Variants in TMEM132C observed in about 807,000 individuals in gnomAD.
TMEM132C encodes transmembrane protein 132C.
A neutral mutation model predicts 61.4 loss-of-function variants in TMEM132C; 29 were observed. The observed-to-expected ratio is 0.47, with a 90% CI of 0.35 to 0.64. TMEM132C has a LOEUF of 0.64. Ranked by LOEUF, TMEM132C falls within the 30% of genes least tolerant of loss-of-function variation. The pLI is 0.00. For synonymous variants in TMEM132C, 656 were observed against 633.1 expected (o/e 1.04, Z -0.54); for missense variants, 1,408 against 1,476.9 (o/e 0.95, Z 0.76).
chr12:128,387,554 G>A (rs1036451239), intron 1 of TMEM132C, among the ~76,000 whole-genome samples: 5 of 152,338 alleles, frequency 3.3e-5, no homozygotes, highest in Admixed American at 6.5e-5. Context: ...GCTCACACCT[G>A]TAATCCTAGC....
chr12:128,582,517 A>G (rs549561001), intron 3 of TMEM132C, among the ~76,000 whole-genome samples: 1 of 151,488 alleles, frequency 6.6e-6, no homozygotes, highest in East Asian at 2.0e-4. Context: ...TGCTCCCATA[A>G]TTCCCATGTG....
chr12:128,656,302 C>T (rs1049055421), intron 4 of TMEM132C, among the ~76,000 whole-genome samples: 3 of 152,184 alleles, frequency 2.0e-5, no homozygotes, highest in Non-Finnish European at 2.9e-5. Context: ...CTGTCCACCT[C>T]GGCCTCCCAA....
At chr12:128,666,884 C>T (rs891249700) in intron 4 of TMEM132C, among the ~76,000 whole-genome samples, 1 of 152,348 alleles carries the variant, frequency 6.6e-6, no homozygotes, top group East Asian at 1.9e-4. Context: ...TCCTGGCTAA[C>T]ACGGTGAAAC....
chr12:128,636,830 C>T (rs1954108173), intron 4 of TMEM132C, among the ~76,000 whole-genome samples: 1 of 152,094 alleles, frequency 6.6e-6, no homozygotes, highest in African/African-American at 2.4e-5. Context: ...TGCATTGTTT[C>T]AGAGACCACC....
chr12:128,311,498 C>G (rs1000434118), intron 1 of TMEM132C, among the ~76,000 whole-genome samples: 1 of 152,216 alleles, frequency 6.6e-6, no homozygotes, highest in Non-Finnish European at 1.5e-5. Flanking sequence ...TGCCTCTATT[C>G]TCTACTTTTG....
At chr12:128,322,371 C>T (rs895577961) in intron 1 of TMEM132C, among the ~76,000 whole-genome samples, 10 of 152,366 alleles carry the variant, frequency 6.6e-5, no homozygotes, top group South Asian at 2.1e-4. Context: ...TGAGGCAAGA[C>T]GTCCTGGCAG....
chr12:128,341,645 A>G (rs1713623), intron 1 of TMEM132C, among the ~76,000 whole-genome samples: 133,640 of 152,124 alleles, frequency 0.88, 59,789 homozygotes, highest in East Asian at 0.96. Context: ...TGAACTTGAA[A>G]GGAATGAAGG....
intron 2 of TMEM132C, among the ~76,000 whole-genome samples, chr12:128,444,937 A>G (rs1043195365): frequency 1.3e-5 from 2 of 152,224 alleles, no homozygotes; most frequent in African/African-American, 2.4e-5. Flanking sequence ...AGGCGAGACT[A>G]AAAGGAAGGT....
Position 128,415,171 on chromosome 12 carries a change from C to A in TMEM132C, c.525C>A (p.Phe175Leu). Residue 175 changes from phenylalanine (F) to leucine (L), a missense_variant, in exon 2 of 9, where the codon TTC becomes TTA. Coordinates refer to ENST00000435159, the MANE Select transcript of TMEM132C (RefSeq NM_001136103.3). This position sits in a 1 kb window ranked among gnomAD's most constrained non-coding sequence, Gnocchi z 5.8. Reference protein sequence around the residue: ...EKLPCLRVFAFRETREVRGSC... With the variant: ...EKLPCLRVFALRETREVRGSC... ...TGCCATGCCTGAGGGTCTTTGCTTT[C>A]CGAGAAACCAGAGAGGTGCGGGGCA... The A allele has an allele frequency of 1.2e-6, 2 of 1,610,850 alleles. No homozygotes were observed. The highest frequency in any genetic ancestry group is 8.5e-7 in the Non-Finnish European group (1 of 1,178,516).
intron 1 of TMEM132C, among the ~76,000 whole-genome samples, chr12:128,394,423 C>T (rs569549410): frequency 6.0e-4 from 92 of 152,306 alleles, no homozygotes; most frequent in African/African-American, 2.1e-3. Context: ...GGCTTCTTTA[C>T]AGGCAGGAAA....
At chr12:128,284,810 C>T (rs1392555337) in intron 1 of TMEM132C, among the ~76,000 whole-genome samples, 1 of 152,148 alleles carries the variant, frequency 6.6e-6, no homozygotes, top group South Asian at 2.1e-4. Context: ...ATAACCCTTT[C>T]TAAGGCTATG....
At chr12:128,651,151 T>C (rs1047402047) in intron 4 of TMEM132C, among the ~76,000 whole-genome samples, 2 of 152,348 alleles carry the variant, frequency 1.3e-5, no homozygotes, top group South Asian at 2.1e-4. Context: ...TCACAGTTTT[T>C]TGGGGTAACA....
intron 1 of TMEM132C, among the ~76,000 whole-genome samples, chr12:128,279,830 CTT>C (rs1402721838): frequency 2.6e-5 from 4 of 152,192 alleles, no homozygotes; most frequent in African/African-American, 4.8e-5. Flanking sequence ...TAAACTATAA[CTT>C]TGACTTATTT....
intron 4 of TMEM132C, among the ~76,000 whole-genome samples, chr12:128,620,357 T>C (rs1953952292): frequency 6.6e-6 from 1 of 152,084 alleles, no homozygotes; most frequent in Non-Finnish European, 1.5e-5. Flanking sequence ...AAAGTTTGCC[T>C]TCCTGCAGGT....
chr12:128,308,656 C>T (rs780007080), intron 1 of TMEM132C, among the ~76,000 whole-genome samples: 4 of 152,226 alleles, frequency 2.6e-5, no homozygotes, highest in East Asian at 1.9e-4. Flanking sequence ...GGATGAGCTG[C>T]GGGTTCACTA....
chr12:128,562,412 T>A (rs1024208875), intron 3 of TMEM132C, among the ~76,000 whole-genome samples: 1 of 152,228 alleles, frequency 6.6e-6, no homozygotes, highest in African/African-American at 2.4e-5. Flanking sequence ...GGTAACCTAA[T>A]AAGTTTTTTT....
chr12:128,539,577 C>A (rs543806328), intron 2 of TMEM132C, among the ~76,000 whole-genome samples: 29 of 152,280 alleles, frequency 1.9e-4, no homozygotes, highest in African/African-American at 6.7e-4. Flanking sequence ...GAGATGGCGC[C>A]ATTGCACTCC....
chr12:128,566,770 AGAC>A (rs1874719791), intron 3 of TMEM132C, among the ~76,000 whole-genome samples: 1 of 152,200 alleles, frequency 6.6e-6, no homozygotes, highest in Non-Finnish European at 1.5e-5. Flanking sequence ...GACTCAGAAA[AGAC>A]TGCCAGGGTT....
At chr12:128,693,711 T>A (rs987107981) in intron 5 of TMEM132C, 118 bp from the exon 6 acceptor site, 26 of 1,209,014 alleles carry the variant, frequency 2.2e-5, no homozygotes, top group Non-Finnish European at 2.8e-5. Flanking sequence ...AGGCTCTGCT[T>A]TAGGAGAAAC....
Sources: allele counts gnomAD v4.1 joint callset (sites outside exome capture counted in the v4.1 genomes callset), GRCh38; gene constraint gnomAD v4.1.1; non-coding constraint Gnocchi (gnomAD v3.1); transcripts MANE v1.5; gene names NCBI Gene and HGNC (gene_info 2026-07-23, HGNC 2026-07-21).